Variants in ATF7IP2 observed in about 807,000 individuals in gnomAD.
ATF7IP2 encodes the protein activating transcription factor 7-interacting protein 2.
A neutral mutation model predicts 64.2 loss-of-function variants in ATF7IP2; 42 were observed. The ratio of observed to expected loss-of-function variants is 0.65; its 90% confidence interval spans 0.51 to 0.85. The LOEUF is 0.85. Ranked by LOEUF, ATF7IP2 falls within the 40% of genes least tolerant of loss-of-function variation. The probability of loss-of-function intolerance (pLI) is 0.00; values close to 1 mark genes in which losing one functional copy is unlikely to be tolerated. For synonymous variants in ATF7IP2, 308 were observed against 272.8 expected (o/e 1.13, Z -1.27); for missense variants, 933 against 784.2 (o/e 1.19, Z -2.27).
At chr16:10,465,468 C>T (rs542503178) in intron 9 of ATF7IP2, among the ~76,000 whole-genome samples, 109 of 151,812 alleles carry the variant, frequency 7.2e-4, no homozygotes, top group African/African-American at 1.6e-3. Context: ...AGAGCTGGGC[C>T]GGGCACAGTG....
At chr16:10,435,646 C>G (rs186159684) in intron 6 of ATF7IP2, among the ~76,000 whole-genome samples, 10 of 152,310 alleles carry the variant, frequency 6.6e-5, no homozygotes, top group Admixed American at 3.3e-4. Context: ...ATTTAAGGAC[C>G]TGTCCCAATG....
intron 1 of ATF7IP2, among the ~76,000 whole-genome samples, chr16:10,412,129 C>T (rs1301273593): frequency 7.1e-6 from 1 of 141,090 alleles, no homozygotes; most frequent in African/African-American, 2.6e-5. Flanking sequence ...CACCCATTAA[C>T]TCATCTCATT....
At chr16:10,472,824 C>T (rs922958249) in intron 10 of ATF7IP2, among the ~76,000 whole-genome samples, 1 of 148,842 alleles carries the variant, frequency 6.7e-6, no homozygotes, top group Non-Finnish European at 1.5e-5. Context: ...CTACTGCACT[C>T]CAGCCTGGGC....
At chr16:10,390,880 G>C (rs1393194693) in intron 1 of ATF7IP2, among the ~76,000 whole-genome samples, 1 of 152,186 alleles carries the variant, frequency 6.6e-6, no homozygotes, top group Non-Finnish European at 1.5e-5. Context: ...AGCAGAAGGA[G>C]GGTAGGGCAT....
chr16:10,480,613 C>G (rs373019677), intron 12 of ATF7IP2, among the ~76,000 whole-genome samples: 8 of 150,716 alleles, frequency 5.3e-5, no homozygotes, highest in African/African-American at 1.7e-4. Flanking sequence ...TATCAGAGAT[C>G]TCTGTCCCAT....
chr16:10,421,583 G>A lies in ATF7IP2; in HGVS notation c.-160+1960G>A, dbSNP rs557802540. Among the ~76,000 whole-genome samples, 7 of 152,212 alleles carry A rather than the reference G, an allele frequency of 4.6e-5. No homozygotes were observed. The South Asian group carries it at 1.5e-3, about 32-fold the overall frequency. On this transcript the variant is annotated intron_variant, in intron 3 of 13. Coordinates refer to ENST00000562102, the MANE Select transcript of ATF7IP2 (RefSeq NM_001393719.1). ...CACAATGGTAGTATCATTTACTAAGGTCCCCAAGTAGGAGTAAGGAGTAGT... is the reference window on the plus strand; with the variant it reads ...CACAATGGTAGTATCATTTACTAAGATCCCCAAGTAGGAGTAAGGAGTAGT...
chr16:10,427,900 A>G (rs1055092367), intron 3 of ATF7IP2, among the ~76,000 whole-genome samples: 3 of 152,088 alleles, frequency 2.0e-5, no homozygotes, highest in Non-Finnish European at 4.4e-5. Context: ...TCTTTCACAA[A>G]TGATCAGATA....
At chr16:10,474,478 C>T (rs2049930466) in intron 12 of ATF7IP2, among the ~76,000 whole-genome samples, 1 of 151,966 alleles carries the variant, frequency 6.6e-6, no homozygotes, top group Non-Finnish European at 1.5e-5. Context: ...ATACTTTTTT[C>T]CCTAACCACA....
chr16:10,387,824 T>TCCCCCCCCCCCCCCCCCCCCCCCCCCC (rs5815573), intron 1 of ATF7IP2: 1 of 130,582 alleles, frequency 7.7e-6, no homozygotes. Context: ...TCTATTTTAC[T>TCCCCCCCCCCCCCCCCCCCCCCCCCCC]CCCCCCCCCT....
intron 1 of ATF7IP2, among the ~76,000 whole-genome samples, chr16:10,406,417 A>G (rs1440402616): frequency 3.9e-5 from 6 of 152,182 alleles, no homozygotes; most frequent in Non-Finnish European, 5.9e-5. Context: ...ACCTAAAATA[A>G]TTAACCTAAT....
intron 9 of ATF7IP2, among the ~76,000 whole-genome samples, chr16:10,467,318 C>T (rs562777947): frequency 2.0e-5 from 3 of 152,196 alleles, no homozygotes; most frequent in South Asian, 2.1e-4. Context: ...TTCTTATACT[C>T]TCAAATAGCA....
chr16:10,444,158 C>T (rs915100084), intron 8 of ATF7IP2, among the ~76,000 whole-genome samples: 6 of 152,064 alleles, frequency 3.9e-5, no homozygotes, highest in African/African-American at 1.2e-4. Flanking sequence ...TTTGAGGAAA[C>T]GATGATCAGG....
chr16:10,411,734 A>G (rs565408587), intron 1 of ATF7IP2, among the ~76,000 whole-genome samples: 6 of 151,934 alleles, frequency 3.9e-5, no homozygotes, highest in Admixed American at 6.6e-5. Context: ...CAGGGTATCT[A>G]CTTCTTCCTG....
intron 7 of ATF7IP2, 60 bp from the exon 8 acceptor site, chr16:10,440,304 A>G (rs901329586): frequency 1.6e-5 from 13 of 791,254 alleles, no homozygotes; most frequent in East Asian, 1.1e-4. Flanking sequence ...TTTACCCTCT[A>G]TCTCTATGTG....
At chr16:10,466,003 A>G (rs1158157858) in intron 9 of ATF7IP2, among the ~76,000 whole-genome samples, 1 of 152,188 alleles carries the variant, frequency 6.6e-6, no homozygotes, top group Non-Finnish European at 1.5e-5. Context: ...CAGATTAAGA[A>G]ACACCAATGG....
At chr16:10,478,851 G>C (rs539862711) in intron 12 of ATF7IP2, among the ~76,000 whole-genome samples, 8 of 152,286 alleles carry the variant, frequency 5.3e-5, no homozygotes, top group Non-Finnish European at 1.0e-4. Flanking sequence ...GACATGAACA[G>C]ACACTTCTCA....
chr16:10,472,824 C>G (rs922958249), intron 10 of ATF7IP2, among the ~76,000 whole-genome samples: 2 of 148,842 alleles, frequency 1.3e-5, no homozygotes, highest in Admixed American at 6.7e-5. Flanking sequence ...CTACTGCACT[C>G]CAGCCTGGGC....
rs149875004 is a variant in ATF7IP2, at chr16:10,475,180, G to T, written c.1549+1191G>T. Among the ~76,000 whole-genome samples, 136 of 152,328 alleles carry T rather than the reference G, an allele frequency of 8.9e-4. 1 individual carries two copies. Among genetic ancestry groups the T allele is most frequent in the African/African-American group, 3.1e-3 (129 of 41,582 alleles). ...AAAGAATAAAACTATATTGTAGAAT[G>T]TATATAGAAGTCAGTAGATGAAAAC... On this transcript the variant is annotated intron_variant, in intron 12 of 13. Coordinates refer to ENST00000562102, the MANE Select transcript of ATF7IP2 (RefSeq NM_001393719.1).
At chr16:10,411,584 G>A (rs931693518) in intron 1 of ATF7IP2, among the ~76,000 whole-genome samples, 5 of 152,032 alleles carry the variant, frequency 3.3e-5, no homozygotes, top group Non-Finnish European at 5.9e-5. Context: ...TGGCCAGGCT[G>A]GTTTGAACTC....
Sources: gnomAD v4.1 joint callset for allele counts (sites outside exome capture counted in the v4.1 genomes callset) on GRCh38, gnomAD v4.1.1 for gene constraint, MANE v1.5 for transcripts, NCBI Gene and HGNC (gene_info 2026-07-23, HGNC 2026-07-21) for gene names.